Variants in ITPR2 observed in about 807,000 individuals in gnomAD.
The protein encoded by ITPR2 is inositol 1,4,5-trisphosphate-gated calcium channel ITPR2.
ITPR2 carries 207 observed loss-of-function variants against 317.1 expected under a neutral mutation model. The ratio of observed to expected loss-of-function variants is 0.65; its 90% CI spans 0.58 to 0.73. The LOEUF is 0.73. Among genes scored for constraint, ITPR2 ranks in the 30% least tolerant of loss-of-function variants. The pLI is 0.00. For missense variants in ITPR2, 2,613 were observed against 3,284.0 expected, an observed-to-expected ratio of 0.80 and a Z score of 4.99; for synonymous variants, 1,156 against 1,149.1, an observed-to-expected ratio of 1.01 and a Z score of -0.12.
chr12:26,673,171 G>A (rs1947827417), intron 13 of ITPR2, among the ~76,000 whole-genome samples: 1 of 152,070 alleles, frequency 6.6e-6, no homozygotes, highest in African/African-American at 2.4e-5. Context: ...AGAAAAAGAG[G>A]GAATCCTCCC....
chr12:26,673,313 A>G (rs368511749), intron 13 of ITPR2, among the ~76,000 whole-genome samples: 6 of 152,254 alleles, frequency 3.9e-5, no homozygotes, highest in South Asian at 4.2e-4. Flanking sequence ...CTGGCAAACC[A>G]AATCCAGCAG....
intron 29 of ITPR2, 115 bp from the exon 30 acceptor site, chr12:26,599,460 T>C (rs1222951601): frequency 1.1e-6 from 1 of 899,698 alleles, no homozygotes; most frequent in East Asian, 2.5e-5. Flanking sequence ...GAAGCCACAG[T>C]GAATTTTCTG....
intron 1 of ITPR2, among the ~76,000 whole-genome samples, chr12:26,818,383 T>G (rs1443235525): frequency 6.6e-6 from 1 of 152,230 alleles, no homozygotes; most frequent in Non-Finnish European, 1.5e-5. Flanking sequence ...CCACTGAGAC[T>G]TTTTGAAAGG....
At chr12:26,347,898 C>T (rs989807948) in intron 55 of ITPR2, among the ~76,000 whole-genome samples, 5 of 152,174 alleles carry the variant, frequency 3.3e-5, no homozygotes, top group African/African-American at 1.2e-4. Context: ...TAAAGAACAA[C>T]CCATGAAATA....
At chr12:26,798,535 C>G (rs1028960656) in intron 1 of ITPR2, among the ~76,000 whole-genome samples, 1 of 152,148 alleles carries the variant, frequency 6.6e-6, no homozygotes, top group Non-Finnish European at 1.5e-5. Context: ...ATTCATTCAC[C>G]GTAGTCTTAG....
intron 1 of ITPR2, among the ~76,000 whole-genome samples, chr12:26,820,566 C>A (rs2137291148): frequency 6.6e-6 from 1 of 152,138 alleles, no homozygotes; most frequent in African/African-American, 2.4e-5. Flanking sequence ...ATAGGAAAGA[C>A]CAAGGTGAAA....
intron 55 of ITPR2, among the ~76,000 whole-genome samples, chr12:26,359,471 T>C (rs928378821): frequency 6.6e-6 from 1 of 152,206 alleles, no homozygotes; most frequent in Non-Finnish European, 1.5e-5. Context: ...CCTCTCATTA[T>C]GCATGTGATC....
At chr12:26,577,729 G>A (rs1945310039) in intron 34 of ITPR2, among the ~76,000 whole-genome samples, 1 of 152,064 alleles carries the variant, frequency 6.6e-6, no homozygotes, top group Non-Finnish European at 1.5e-5. Flanking sequence ...ACTAAATTTT[G>A]TTAATATAAA....
At chr12:26,363,163 C>T (rs920559744) in intron 55 of ITPR2, among the ~76,000 whole-genome samples, 5 of 152,144 alleles carry the variant, frequency 3.3e-5, no homozygotes, top group Admixed American at 6.5e-5. Flanking sequence ...GTCACAGCAA[C>T]GGTGGTATTA....
chr12:26,802,609 A>C (rs61920600), intron 1 of ITPR2, among the ~76,000 whole-genome samples: 4 of 10,132 alleles, frequency 3.9e-4, no homozygotes, highest in African/African-American at 8.9e-4. Flanking sequence ...ATAGATATAG[A>C]TATATATAGA....
chr12:26,532,668 T>C (rs1023997243), intron 37 of ITPR2, among the ~76,000 whole-genome samples: 2 of 152,130 alleles, frequency 1.3e-5, no homozygotes, highest in African/African-American at 2.4e-5. Context: ...GATGAATTGA[T>C]GAAATGATAT....
chr12:26,452,617 G>C (rs927536125), intron 45 of ITPR2, among the ~76,000 whole-genome samples: 2 of 152,164 alleles, frequency 1.3e-5, no homozygotes, highest in African/African-American at 4.8e-5. Flanking sequence ...CTGCTCCTGA[G>C]GGGACTGGGT....
At chr12:26,515,031 T>C (rs74891543) in intron 37 of ITPR2, among the ~76,000 whole-genome samples, 1,525 of 152,234 alleles carry the variant, frequency 0.01, 27 homozygotes, top group African/African-American at 0.035. Context: ...TTAACAAATA[T>C]ACAGAGTAAT....
At chr12:26,360,671 C>A (rs1436959379) in intron 55 of ITPR2, among the ~76,000 whole-genome samples, 1 of 152,148 alleles carries the variant, frequency 6.6e-6, no homozygotes, top group Non-Finnish European at 1.5e-5. Context: ...GTCTTGCCAA[C>A]GTTAGTAGCC....
chr12:26,594,341 A>G (rs1362496753), intron 32 of ITPR2, among the ~76,000 whole-genome samples: 1 of 151,994 alleles, frequency 6.6e-6, no homozygotes, highest in Admixed American at 6.5e-5. Flanking sequence ...GATTCATTGT[A>G]TTATCCAAGG....
rs1288074729 is a variant in ITPR2, at chr12:26,760,244, T to C, written c.163+29913A>G. Among the ~76,000 whole-genome samples the C allele has an allele frequency of 2.0e-5, 3 of 152,248 alleles. 1 individual carries two copies. The highest frequency in any genetic ancestry group is 3.8e-4 in the East Asian group (2 of 5,202). On this transcript the variant is annotated intron_variant, in intron 2 of 56. Transcript: ENST00000381340. Reference sequence around the variant, plus strand: ...GCTGAATTCATAGATGTAGAACCTATGGATACTACTGTATATATTAACATA... The same window carrying C: ...GCTGAATTCATAGATGTAGAACCTACGGATACTACTGTATATATTAACATA...
At chr12:26,372,443 T>C (rs1939214831) in intron 55 of ITPR2, among the ~76,000 whole-genome samples, 1 of 152,222 alleles carries the variant, frequency 6.6e-6, no homozygotes, top group Non-Finnish European at 1.5e-5. Flanking sequence ...TAGGAAACGC[T>C]GAATGTAGGG....
chr12:26,807,204 G>A (rs992956626), intron 1 of ITPR2, among the ~76,000 whole-genome samples: 2 of 144,370 alleles, frequency 1.4e-5, no homozygotes, highest in Non-Finnish European at 3.2e-5. Flanking sequence ...AAACAAAAAA[G>A]AAGATATATA....
At chr12:26,777,167 T>C (rs1370564995) in intron 2 of ITPR2, among the ~76,000 whole-genome samples, 1 of 152,232 alleles carries the variant, frequency 6.6e-6, no homozygotes, top group Non-Finnish European at 1.5e-5. Flanking sequence ...AGTTAAAAGA[T>C]GGCCCACTGT....
Sources: gnomAD v4.1 joint callset for allele counts (sites outside exome capture counted in the v4.1 genomes callset) on GRCh38, gnomAD v4.1.1 for gene constraint, MANE v1.5 for transcripts, NCBI Gene and HGNC (gene_info 2026-07-23, HGNC 2026-07-21) for gene names.